The following LAMA2 variants were observed in gnomAD, a reference collection of about 807,000 sequenced individuals.
LAMA2 encodes laminin subunit alpha-2.
Under a neutral mutation model 364.8 loss-of-function variants are expected in LAMA2, and 269 were observed. The observed-to-expected ratio is 0.74, with a 90% confidence interval of 0.67 to 0.82. The LOEUF is 0.82. Among genes scored for constraint, LAMA2 ranks in the 40% least tolerant of loss-of-function variants. The pLI, the probability that LAMA2 is intolerant of heterozygous loss-of-function variation, is 0.00. For missense variants in LAMA2, 3,807 were observed against 3,873.2 expected (o/e 0.98, Z 0.45); for synonymous variants, 1,379 against 1,370.6 (o/e 1.01, Z -0.14).
At chr6:129,123,423 T>C (rs1041432994) in intron 4 of LAMA2, among the ~76,000 whole-genome samples, 3 of 152,064 alleles carry the variant, frequency 2.0e-5, no homozygotes, top group African/African-American at 4.8e-5. Flanking sequence ...CAAAGAGATA[T>C]CTGCATTTCC....
At chr6:129,332,518 T>A (rs537988347) in intron 29 of LAMA2, among the ~76,000 whole-genome samples, 1 of 152,280 alleles carries the variant, frequency 6.6e-6, no homozygotes, top group East Asian at 1.9e-4. Flanking sequence ...TCCACAAATT[T>A]TAATTACAAT....
chr6:129,225,047 C>A (rs1426456763), intron 12 of LAMA2, among the ~76,000 whole-genome samples: 1 of 152,130 alleles, frequency 6.6e-6, no homozygotes, highest in Non-Finnish European at 1.5e-5. Flanking sequence ...CAACTTCTTC[C>A]TTGTTTAGTA....
intron 12 of LAMA2, among the ~76,000 whole-genome samples, chr6:129,229,222 A>G (rs1461275351): frequency 2.0e-5 from 3 of 152,222 alleles, no homozygotes; most frequent in Non-Finnish European, 4.4e-5. Context: ...AAAGTAGAGC[A>G]TGGAGGGCCT....
chr6:128,993,885 A>G (rs1005112238), intron 1 of LAMA2, among the ~76,000 whole-genome samples: 11 of 152,224 alleles, frequency 7.2e-5, no homozygotes, highest in African/African-American at 2.7e-4. Flanking sequence ...GGATATTTGA[A>G]TTAAAGACTA....
intron 12 of LAMA2, among the ~76,000 whole-genome samples, chr6:129,204,558 A>C (rs2115058274): frequency 6.6e-6 from 1 of 152,202 alleles, no homozygotes; most frequent in South Asian, 2.1e-4. Flanking sequence ...GCCATTCACA[A>C]GCAAAGGAGA....
chr6:129,274,349 C>T (rs1788151438), intron 17 of LAMA2, among the ~76,000 whole-genome samples: 1 of 151,362 alleles, frequency 6.6e-6, no homozygotes. Context: ...GCTAGAAACT[C>T]TGAGATATGA....
chr6:128,970,070 C>T (rs1483390046), intron 1 of LAMA2, among the ~76,000 whole-genome samples: 5 of 152,058 alleles, frequency 3.3e-5, no homozygotes, highest in Admixed American at 2.0e-4. Context: ...AATATGGTAT[C>T]TTATTCTTTA....
chr6:128,970,474 G>A (rs1037036732), intron 1 of LAMA2, among the ~76,000 whole-genome samples: 1 of 152,192 alleles, frequency 6.6e-6, no homozygotes, highest in African/African-American at 2.4e-5. Flanking sequence ...TGTGGGTACA[G>A]TTAAGAAGAT....
intron 3 of LAMA2, among the ~76,000 whole-genome samples, chr6:129,069,015 AT>A (rs1278981884): frequency 6.6e-6 from 1 of 152,138 alleles, no homozygotes; most frequent in Non-Finnish European, 1.5e-5. Context: ...AAATGTAAAC[AT>A]TTTGGAGACC....
intron 12 of LAMA2, among the ~76,000 whole-genome samples, chr6:129,240,678 G>A (rs1470434453): frequency 3.3e-5 from 5 of 152,120 alleles, no homozygotes; most frequent in Admixed American, 3.3e-4. Context: ...CTCCTGGATC[G>A]CCGTTTCCTT....
At chr6:129,089,238 A>T (rs1774651828) in intron 3 of LAMA2, among the ~76,000 whole-genome samples, 1 of 152,244 alleles carries the variant, frequency 6.6e-6, no homozygotes, top group Non-Finnish European at 1.5e-5. Context: ...TTGATTTGTT[A>T]TTCTACTCTG....
At chr6:129,379,531 G>A (rs1170767110) in intron 34 of LAMA2, among the ~76,000 whole-genome samples, 7 of 152,102 alleles carry the variant, frequency 4.6e-5, no homozygotes, top group Non-Finnish European at 1.0e-4. Context: ...GAATAGCCTA[G>A]AGAGGAAGCT....
chr6:129,249,187 A>C (rs1583336604), intron 12 of LAMA2, among the ~76,000 whole-genome samples: 2 of 152,156 alleles, frequency 1.3e-5, no homozygotes, highest in Admixed American at 1.3e-4. Context: ...GGCCATAGAG[A>C]GCCAACCCTG....
intron 41 of LAMA2, among the ~76,000 whole-genome samples, chr6:129,429,761 G>T (rs1781498428): frequency 6.6e-6 from 1 of 152,166 alleles, no homozygotes; most frequent in African/African-American, 2.4e-5. Context: ...AGGGAGCGAG[G>T]TGATTCATGC....
chr6:128,911,238 C>G (rs9321138), intron 1 of LAMA2, among the ~76,000 whole-genome samples: 1 of 152,172 alleles, frequency 6.6e-6, no homozygotes, highest in African/African-American at 2.4e-5. Flanking sequence ...CCCCCAGCCT[C>G]GCTGCCGCCT....
At chr6:129,172,465 G>A (rs968174884) in intron 9 of LAMA2, among the ~76,000 whole-genome samples, 11 of 152,206 alleles carry the variant, frequency 7.2e-5, no homozygotes, top group African/African-American at 2.7e-4. Flanking sequence ...CTGCTGGGGG[G>A]TGCCTCCCAG....
intron 41 of LAMA2, among the ~76,000 whole-genome samples, chr6:129,429,795 T>C (rs756351474): frequency 6.6e-6 from 1 of 152,162 alleles, no homozygotes; most frequent in East Asian, 1.9e-4. Context: ...AATCCTGTCT[T>C]TAAGATTTTA....
At chr6:129,055,742 G>A (rs1302406985) in intron 2 of LAMA2, among the ~76,000 whole-genome samples, 1 of 152,172 alleles carries the variant, frequency 6.6e-6, no homozygotes, top group Non-Finnish European at 1.5e-5. Flanking sequence ...TCTGTTAATA[G>A]ACTTTGCTTC....
chr6:129,407,373 C>T (rs527727227), intron 40 of LAMA2, among the ~76,000 whole-genome samples: 2 of 152,286 alleles, frequency 1.3e-5, no homozygotes, highest in South Asian at 4.1e-4. Context: ...TAACATAATA[C>T]AGCTATCCCT....
Sources: allele counts gnomAD v4.1 joint callset (sites outside exome capture counted in the v4.1 genomes callset), GRCh38; gene constraint gnomAD v4.1.1; transcripts MANE v1.5; gene names NCBI Gene and HGNC (gene_info 2026-07-23, HGNC 2026-07-21).